The following NTRK3 variants were observed in gnomAD, a reference collection of about 807,000 sequenced individuals.
The protein encoded by NTRK3 is NT-3 growth factor receptor.
A neutral mutation model predicts 91.7 loss-of-function variants in NTRK3; 24 were observed. The ratio of observed to expected loss-of-function variants is 0.26; its 90% CI spans 0.19 to 0.37. NTRK3 has a LOEUF of 0.37. Among genes scored for constraint, NTRK3 ranks in the 10% least tolerant of loss-of-function variants. The pLI, the probability that NTRK3 is intolerant of heterozygous loss-of-function variation, is 1.00. For missense variants in NTRK3, 880 were observed against 1,068.9 expected (o/e 0.82, Z 2.46); for synonymous variants, 483 against 404.0 (o/e 1.20, Z -2.34).
intron 17 of NTRK3, among the ~76,000 whole-genome samples, chr15:87,911,497 T>C (rs781189873): frequency 6.6e-6 from 1 of 152,202 alleles, no homozygotes; most frequent in Non-Finnish European, 1.5e-5. Context: ...ACCCACTATC[T>C]TGTAGGACGG....
At chr15:88,178,571 G>A (rs984671221) in intron 5 of NTRK3, among the ~76,000 whole-genome samples, 4 of 152,122 alleles carry the variant, frequency 2.6e-5, no homozygotes, top group African/African-American at 4.8e-5. Flanking sequence ...AACTTAGTCC[G>A]GCATCCAGAG....
intron 14 of NTRK3, among the ~76,000 whole-genome samples, chr15:88,013,923 G>A (rs931287845): frequency 3.3e-5 from 5 of 152,082 alleles, no homozygotes; most frequent in Non-Finnish European, 5.9e-5. Flanking sequence ...CAACTTAGGC[G>A]ATACAGTGAG....
intron 17 of NTRK3, 39 bp from the exon 18 acceptor site, chr15:87,885,774 A>G: frequency 1.0e-6 from 1 of 972,114 alleles, no homozygotes; most frequent in Non-Finnish European, 1.4e-6. Flanking sequence ...TATTAGAAGA[A>G]AACTTAGAAA....
chr15:87,985,428 A>C (rs2141418471), intron 14 of NTRK3, among the ~76,000 whole-genome samples: 1 of 152,350 alleles, frequency 6.6e-6, no homozygotes, highest in East Asian at 1.9e-4. Context: ...ATAATAACAA[A>C]CACATTTCAA....
intron 14 of NTRK3, among the ~76,000 whole-genome samples, chr15:87,947,949 G>A (rs2070737770): frequency 6.6e-6 from 1 of 152,152 alleles, no homozygotes; most frequent in Non-Finnish European, 1.5e-5. Context: ...TGAGGGGGAA[G>A]GAGACCACCA....
intron 13 of NTRK3, among the ~76,000 whole-genome samples, chr15:88,054,993 T>TC (rs2045558160): frequency 6.6e-6 from 1 of 152,186 alleles, no homozygotes; most frequent in Admixed American, 6.5e-5. Flanking sequence ...AGCTGGGATT[T>TC]CAACTCCTAT....
At chr15:87,903,346 C>T (rs1426888501) in intron 17 of NTRK3, among the ~76,000 whole-genome samples, 2 of 152,216 alleles carry the variant, frequency 1.3e-5, no homozygotes, top group African/African-American at 2.4e-5. Context: ...AGTCCCATCA[C>T]GAGACTAGGG....
intron 17 of NTRK3, among the ~76,000 whole-genome samples, chr15:87,903,680 A>G (rs2066585997): frequency 6.6e-6 from 1 of 152,158 alleles, no homozygotes; most frequent in Admixed American, 6.6e-5. Flanking sequence ...AACTCCCTAA[A>G]CTAATGAGGA....
At chr15:88,002,570 C>A (rs1249373997) in intron 14 of NTRK3, among the ~76,000 whole-genome samples, 2 of 151,750 alleles carry the variant, frequency 1.3e-5, no homozygotes, top group Non-Finnish European at 2.9e-5. Flanking sequence ...GATTTTTGAT[C>A]CTGGAATGGC....
At chr15:88,169,717 C>T (rs904566013) in intron 5 of NTRK3, among the ~76,000 whole-genome samples, 4 of 152,156 alleles carry the variant, frequency 2.6e-5, no homozygotes, top group Admixed American at 1.3e-4. Flanking sequence ...GTCCCACAGG[C>T]CTAGGCCCTG....
intron 13 of NTRK3, among the ~76,000 whole-genome samples, chr15:88,112,055 C>T (rs956796439): frequency 7.2e-5 from 11 of 151,988 alleles, no homozygotes; most frequent in East Asian, 1.9e-4. Flanking sequence ...TACAGGCACC[C>T]GCCACCACGC....
intron 3 of NTRK3, among the ~76,000 whole-genome samples, chr15:88,228,335 G>T (rs895220218): frequency 6.6e-6 from 1 of 151,810 alleles, no homozygotes; most frequent in African/African-American, 2.4e-5. Context: ...CACACCTCCC[G>T]CTGGATCTCC....
chr15:87,933,509 A>C (rs892708679), intron 15 of NTRK3, among the ~76,000 whole-genome samples: 5 of 152,236 alleles, frequency 3.3e-5, no homozygotes, highest in African/African-American at 1.2e-4. Context: ...TGAGGAGGAA[A>C]GCCTGGCAAA....
At chr15:87,924,347 T>G (rs2068117810) in intron 17 of NTRK3, among the ~76,000 whole-genome samples, 1 of 152,144 alleles carries the variant, frequency 6.6e-6, no homozygotes, top group Non-Finnish European at 1.5e-5. Flanking sequence ...TCCCACTTCC[T>G]AAGGATTACT....
intron 15 of NTRK3, among the ~76,000 whole-genome samples, chr15:87,936,224 T>C (rs1442200021): frequency 6.6e-6 from 1 of 152,192 alleles, no homozygotes; most frequent in Non-Finnish European, 1.5e-5. Context: ...CCAAGAGGTC[T>C]CTGAAGCTGG....
chr15:88,199,783 C>T (rs909029427), intron 3 of NTRK3, among the ~76,000 whole-genome samples: 5 of 152,246 alleles, frequency 3.3e-5, no homozygotes, highest in Non-Finnish European at 7.3e-5. Flanking sequence ...GCAAGCATTC[C>T]TCCTCTCTAG....
chr15:88,075,108 GTGTTGGAACCTACA>G (rs1430648848), intron 13 of NTRK3, among the ~76,000 whole-genome samples: 1 of 152,106 alleles, frequency 6.6e-6, no homozygotes, highest in African/African-American at 2.4e-5. Context: ...TCTAGAATTA[GTGTTGGAACCTACA>G]TGTAAACTGT....
intron 14 of NTRK3, among the ~76,000 whole-genome samples, chr15:88,019,333 C>T (rs1036764735): frequency 2.6e-5 from 4 of 152,182 alleles, no homozygotes; most frequent in Non-Finnish European, 5.9e-5. Context: ...CTGGAGGAGA[C>T]CTGGGTGGCA....
intron 15 of NTRK3, 37 bp from the exon 16 acceptor site, chr15:87,933,221 C>A (rs113443615): frequency 6.2e-7 from 1 of 1,610,288 alleles, no homozygotes; most frequent in Non-Finnish European, 8.5e-7. Context: ...TTAACAACTA[C>A]AGGGCAGGGG....
Sources: gnomAD v4.1 joint callset for allele counts (sites outside exome capture counted in the v4.1 genomes callset) on GRCh38, gnomAD v4.1.1 for gene constraint, MANE v1.5 for transcripts, NCBI Gene and HGNC (gene_info 2026-07-23, HGNC 2026-07-21) for gene names.